NEDD4L: variants seen among roughly 807,000 people sequenced by gnomAD.
NEDD4L encodes NEDD4 like E3 ubiquitin protein ligase, also known as E3 ubiquitin-protein ligase NEDD4-like.
A neutral mutation model predicts 148.9 loss-of-function variants in NEDD4L; 54 were observed. The observed-to-expected ratio is 0.36, with a 90% CI of 0.29 to 0.45. NEDD4L has a LOEUF of 0.45. Among genes scored for constraint, NEDD4L ranks in the 20% least tolerant of loss-of-function variants. The pLI is 1.00. For missense variants in NEDD4L, 856 were observed against 1,233.8 expected (o/e 0.69, Z 4.59); for synonymous variants, 433 against 440.7 (o/e 0.98, Z 0.22).
chr18:58,201,837 G>A (rs1312515330), intron 2 of NEDD4L, among the ~76,000 whole-genome samples: 9 of 151,976 alleles, frequency 5.9e-5, no homozygotes, highest in Non-Finnish European at 1.2e-4. Flanking sequence ...TTCACTTAGC[G>A]TTGTATACTG....
chr18:58,160,876 A>C (rs372196182), intron 1 of NEDD4L, among the ~76,000 whole-genome samples: 2 of 152,238 alleles, frequency 1.3e-5, no homozygotes, highest in African/African-American at 4.8e-5. Flanking sequence ...AGGTGCTTGT[A>C]AACAGTAATT....
intron 1 of NEDD4L, 25 bp downstream of exon 1, chr18:58,044,733 G>C (rs748508638): frequency 6.2e-6 from 10 of 1,601,436 alleles, no homozygotes; most frequent in Admixed American, 1.7e-5. Flanking sequence ...CTTCCTGCTC[G>C]GGACTCCCCG....
rs2048598613 is a variant in NEDD4L, at chr18:58,256,553, G to C, written c.297+4499G>C. 2 of 1,232,240 alleles carry C rather than the reference G, an allele frequency of 1.6e-6. No individual in the cohort carries two copies. The highest frequency in any genetic ancestry group is 4.1e-5 in the South Asian group (1 of 24,328). 76.3% of individuals were successfully genotyped at this position (1,232,240 alleles called of 1,614,324 possible). A position where few individuals can be genotyped will look rare whatever the true frequency, so the allele number is the denominator to read the frequency against. On this transcript the variant is annotated intron_variant, in intron 5 of 30. Coordinates refer to ENST00000400345, the MANE Select transcript of NEDD4L (RefSeq NM_001144967.3). This position sits in a 1 kb window ranked among gnomAD's most constrained non-coding sequence, Gnocchi z 5.2. Reference sequence around the variant, plus strand: ...CCCCACGGAAGATCGGGGAGCCCTGGAGGCATCGCCTCGAGCTGGCAGGAT... The same window carrying C: ...CCCCACGGAAGATCGGGGAGCCCTGCAGGCATCGCCTCGAGCTGGCAGGAT...
chr18:58,092,428 A>G (rs1186486812), intron 1 of NEDD4L, among the ~76,000 whole-genome samples: 1 of 152,160 alleles, frequency 6.6e-6, no homozygotes, highest in Admixed American at 6.5e-5. Context: ...TCTCGGGCAC[A>G]GTATGCCAAG....
chr18:58,308,166 A>T (rs758252019), intron 5 of NEDD4L, among the ~76,000 whole-genome samples: 2 of 151,948 alleles, frequency 1.3e-5, no homozygotes, highest in Admixed American at 1.3e-4. Context: ...GTTCAATCTC[A>T]TATCAGTTTG....
At chr18:58,271,141 G>A (rs916397852) in intron 5 of NEDD4L, among the ~76,000 whole-genome samples, 3 of 151,956 alleles carry the variant, frequency 2.0e-5, no homozygotes, top group African/African-American at 7.2e-5. Context: ...CCTCACAGAT[G>A]TTTAGGAATT....
chr18:58,250,371 C>A (rs777414275), intron 4 of NEDD4L, among the ~76,000 whole-genome samples: 22 of 152,024 alleles, frequency 1.4e-4, no homozygotes, highest in Admixed American at 1.4e-3. Flanking sequence ...GCTGGTCTCA[C>A]TCTCCTGACC....
chr18:58,149,293 T>A, intron 1 of NEDD4L: 1 of 1,020,948 alleles, frequency 9.8e-7, no homozygotes, highest in Non-Finnish European at 1.3e-6. Flanking sequence ...GGCAGGTTCA[T>A]AAGACACCTG....
chr18:58,150,846 G>A (rs1253764483), intron 1 of NEDD4L, among the ~76,000 whole-genome samples: 2 of 151,998 alleles, frequency 1.3e-5, no homozygotes, highest in African/African-American at 2.4e-5. Flanking sequence ...CATACTGGGG[G>A]CCTTGGTCCA....
chr18:58,149,445 C>T lies in NEDD4L; in HGVS notation c.49-16343C>T, dbSNP rs75406103. Reference sequence around the variant, plus strand: ...GGAAAGTTACCCTTGGCTGCAGCCACGACTTCCGCATACTCTTCAGAACTT... The same window carrying T: ...GGAAAGTTACCCTTGGCTGCAGCCATGACTTCCGCATACTCTTCAGAACTT... On this transcript the variant is annotated intron_variant, in intron 1 of 30. Transcript: ENST00000400345. The T allele has an allele frequency of 2.7e-4, 407 of 1,531,668 alleles. No homozygotes were observed. In the African/African-American group the frequency reaches 4.1e-3, roughly 15 times the overall value. 94.9% of individuals were successfully genotyped at this position (1,531,668 alleles called of 1,614,324 possible).
chr18:58,316,188 C>A (rs1444383469), intron 6 of NEDD4L, among the ~76,000 whole-genome samples, 156 bp downstream of exon 6: 2 of 152,238 alleles, frequency 1.3e-5, no homozygotes, highest in Admixed American at 1.3e-4. Context: ...GGAAAGTGGT[C>A]CTTTCAAGGG....
chr18:58,093,230 T>C (rs2084186348), intron 1 of NEDD4L, among the ~76,000 whole-genome samples: 1 of 152,206 alleles, frequency 6.6e-6, no homozygotes, highest in African/African-American at 2.4e-5. Context: ...TGGATTTTGC[T>C]AAATATACTG....
At position 58,370,413 on chromosome 18, in the gene NEDD4L, A is replaced by G. The variant is rs1394230991; in HGVS notation, c.2202A>G (p.Pro734=). 6.8e-6 allele frequency: 11 copies of G among 1,611,440 alleles called. No homozygotes were observed. In the African/African-American group the frequency reaches 1.5e-4, roughly 21 times the overall value. Residue 734 remains proline, a synonymous_variant, in exon 23 of 31, where the codon CCA becomes CCG. Coordinates refer to ENST00000400345, the MANE Select transcript of NEDD4L (RefSeq NM_001144967.3). Reference sequence around the variant, plus strand: ...GTGTTTTAGGTTTCTTCATTAGACCATTTTACAAGATGATGTTGGGAAAGC... The same window carrying G: ...GTGTTTTAGGTTTCTTCATTAGACCGTTTTACAAGATGATGTTGGGAAAGC... ...GKLLDGFFIR[P]FYKMMLGKQI...
At chr18:58,211,120 A>G (rs967611733) in intron 2 of NEDD4L, among the ~76,000 whole-genome samples, 1 of 152,234 alleles carries the variant, frequency 6.6e-6, no homozygotes. Flanking sequence ...ATATGTGTAC[A>G]CAAACACACA....
chr18:58,131,585 G>A (rs2145973953), intron 1 of NEDD4L, among the ~76,000 whole-genome samples: 1 of 151,192 alleles, frequency 6.6e-6, no homozygotes, highest in African/African-American at 2.4e-5. Context: ...GGTTGGTTGT[G>A]ATCTAGTGGA....
intron 1 of NEDD4L, among the ~76,000 whole-genome samples, chr18:58,158,724 G>T (rs1423925533): frequency 1.3e-5 from 2 of 152,160 alleles, no homozygotes. Flanking sequence ...ACGGTGAGTA[G>T]TCCGTTGAGT....
chr18:58,255,856 G>A, intron 5 of NEDD4L: 2 of 1,232,474 alleles, frequency 1.6e-6, no homozygotes, highest in Non-Finnish European at 2.0e-6. Context: ...GCTCGTCCAT[G>A]TTCATCCCGC....
chr18:58,185,071 A>G (rs1407083607), intron 2 of NEDD4L, among the ~76,000 whole-genome samples: 1 of 152,226 alleles, frequency 6.6e-6, no homozygotes. Context: ...GGCGTTAGTC[A>G]TGGTCCTTGC....
intron 1 of NEDD4L, among the ~76,000 whole-genome samples, chr18:58,132,684 C>G (rs1303247261): frequency 6.6e-6 from 1 of 152,192 alleles, no homozygotes; most frequent in Non-Finnish European, 1.5e-5. Flanking sequence ...CAAGCCAACC[C>G]TCGTTGTCTT....
Sources: allele counts gnomAD v4.1 joint callset (sites outside exome capture counted in the v4.1 genomes callset), GRCh38; gene constraint gnomAD v4.1.1; non-coding constraint Gnocchi (gnomAD v3.1); transcripts MANE v1.5; gene names NCBI Gene and HGNC (gene_info 2026-07-23, HGNC 2026-07-21).